The following C8orf48 variants were observed in gnomAD, a reference collection of about 807,000 sequenced individuals.
C8orf48 encodes chromosome 8 open reading frame 48, also known as uncharacterized protein C8orf48.
For missense variants in C8orf48, 580 were observed against 363.3 expected (o/e 1.60, Z -4.85); for synonymous variants, 188 against 138.2 (o/e 1.36, Z -2.53).
rs1039737134 is a variant in C8orf48, at chr8:13,567,820, G to C, written c.829G>C (p.Glu277Gln). 2 of 1,551,704 alleles carry C rather than the reference G, an allele frequency of 1.3e-6. No homozygotes were observed. The highest frequency in any genetic ancestry group is 1.4e-5 in the African/African-American group (1 of 73,046). ...EKSHIRYSGF[E>Q]RSETEQKLQR... ...AAGTCATATCAGATACTCTGGTTTT[G>C]AAAGATCAGAGACAGAGCAGAAGTT... is the stretch of plus-strand genomic sequence containing the variant. The change falls in exon 1 of 1, where the codon GAA becomes CAA. Residue 277 changes from glutamate (E) to glutamine (Q), a missense_variant. Transcript: ENST00000297324.
rs533273748 is a variant in C8orf48, at chr8:13,566,922, C to T, written c.-70C>T. ...TGAGATCCATTCCCGGAGGGGTCAGCTCCTGACGGGTTCCTGAGCCAGTCT... is the reference window on the plus strand; with the variant it reads ...TGAGATCCATTCCCGGAGGGGTCAGTTCCTGACGGGTTCCTGAGCCAGTCT... On this transcript the variant is annotated 5_prime_UTR_variant, in exon 1 of 1. Coordinates refer to ENST00000297324, the MANE Select transcript of C8orf48 (RefSeq NM_001007090.3). 3 of 1,463,490 alleles carry T rather than the reference C, an allele frequency of 2.0e-6. No individual in the cohort carries two copies. The highest frequency in any genetic ancestry group is 2.5e-5 in the East Asian group (1 of 40,172). 90.7% of individuals were successfully genotyped at this position (1,463,490 alleles called of 1,614,324 possible). A position where few individuals can be genotyped will look rare whatever the true frequency, so the allele number is the denominator to read the frequency against.
At position 13,567,213 on chromosome 8, in the gene C8orf48, G is replaced by C; in HGVS notation, c.222G>C (p.Leu74Phe). The C allele has an allele frequency of 6.4e-7, 1 of 1,551,492 alleles. No individual in the cohort carries two copies. Among genetic ancestry groups the C allele is most frequent in the Non-Finnish European group, 8.7e-7 (1 of 1,146,964 alleles). Reference protein sequence around the residue: ...LEQGDTQSELLDYKNYEKKLS... With the variant: ...LEQGDTQSELFDYKNYEKKLS... ...AAGGAGACACACAATCTGAGCTTTT[G>C]GACTATAAAAATTATGAAAAGAAGT... The change falls in exon 1 of 1, where the codon TTG (leucine) becomes TTC (phenylalanine). Residue 74 changes from leucine to phenylalanine, a missense_variant. Coordinates refer to ENST00000297324, the MANE Select transcript of C8orf48 (RefSeq NM_001007090.3).
In C8orf48 at chr8:13,567,826, T is replaced by G. The variant is rs1563446287; in HGVS notation, c.835T>G (p.Ser279Ala). ...SHIRYSGFER[S>A]ETEQKLQRDG... Reference sequence around the variant, plus strand: ...TATCAGATACTCTGGTTTTGAAAGATCAGAGACAGAGCAGAAGTTGCAGCG... The same window carrying G: ...TATCAGATACTCTGGTTTTGAAAGAGCAGAGACAGAGCAGAAGTTGCAGCG... Residue 279 changes from serine to alanine, a missense_variant, in exon 1 of 1, where the codon TCA becomes GCA. Transcript: ENST00000297324. 2 of 1,551,832 alleles carry G rather than the reference T, an allele frequency of 1.3e-6. No individual in the cohort carries two copies.
rs908268209 is a variant in C8orf48 at position 13,568,053 on chromosome 8, G to C, written c.*102G>C. On this transcript the variant is annotated 3_prime_UTR_variant, in exon 1 of 1. Coordinates refer to ENST00000297324, the MANE Select transcript of C8orf48 (RefSeq NM_001007090.3). ...TTTACTATGCTTCCTTCACAGATTT[G>C]AGGACTAAGAACTTTCACTTTTTTT... 6 of 1,268,310 alleles carry C rather than the reference G, an allele frequency of 4.7e-6. No homozygotes were observed. The African/African-American group carries it at 9.1e-5, about 19-fold the overall frequency. 78.6% of individuals were successfully genotyped at this position (1,268,310 alleles called of 1,614,324 possible).
rs1265229038 is a variant in C8orf48 at position 13,567,022 on chromosome 8, G to A, written c.31G>A (p.Asp11Asn). 1.9e-6 allele frequency: 3 copies of A among 1,551,090 alleles called. No individual in the cohort carries two copies. Among genetic ancestry groups the A allele is most frequent in the African/African-American group, 2.7e-5 (2 of 73,148 alleles). Reference sequence around the variant, plus strand: ...CATCTGCCCAGAATTGGCCCAAACGGACAAAAGTGCTCTTGCAAACCTTTC... The same window carrying A: ...CATCTGCCCAGAATTGGCCCAAACGAACAAAAGTGCTCTTGCAAACCTTTC... Reference protein sequence around the residue: MAICPELAQTDKSALANLSDE... With the variant: MAICPELAQTNKSALANLSDE... The change falls in exon 1 of 1, where the codon GAC (aspartate) becomes AAC (asparagine). Residue 11 changes from aspartate to asparagine, a missense_variant. Transcript: ENST00000297324.
rs1201805774 is a variant in C8orf48, at chr8:13,566,952, C to T, written c.-40C>T. The stretch of plus-strand genomic sequence containing the variant: ...GACGGGTTCCTGAGCCAGTCTTAAC[C>T]TGGGCAAAGGAGATGAGGAGCCGAG... On this transcript the variant is annotated 5_prime_UTR_variant, in exon 1 of 1. Transcript: ENST00000297324. 2 of 1,500,044 alleles carry T rather than the reference C, an allele frequency of 1.3e-6. No individual in the cohort carries two copies. 92.9% of individuals were successfully genotyped at this position (1,500,044 alleles called of 1,614,324 possible). A position where few individuals can be genotyped will look rare whatever the true frequency, so the allele number is the denominator to read the frequency against.
In C8orf48 at chr8:13,566,886, G is replaced by A. The variant is rs1457826371; in HGVS notation, c.-106G>A. On this transcript the variant is annotated 5_prime_UTR_variant, in exon 1 of 1. Transcript: ENST00000297324. ...TCTCCCGGAAGACGACCTCCGCAGA[G>A]CTGATGGCATTGAGATCCATTCCCG... The A allele has an allele frequency of 7.2e-6, 10 of 1,391,238 alleles. No homozygotes were observed. In the East Asian group the frequency reaches 2.3e-4, roughly 32 times the overall value. The allele number at this position is 1,391,238 out of a possible 1,614,324, so 86.2% of individuals were successfully genotyped here.
In C8orf48 at chr8:13,567,799, C is replaced by A; in HGVS notation, c.808C>A (p.His270Asn). Residue 270 changes from histidine (H) to asparagine (N), a missense_variant, in exon 1 of 1, where the codon CAT becomes AAT. His to Asn is a moderately conservative substitution (Grantham distance 68, BLOSUM62 1). Coordinates refer to ENST00000297324, the MANE Select transcript of C8orf48 (RefSeq NM_001007090.3). ...IIWKRLTEKS[H>N]IRYSGFERSE... ...CTGGAAAAGACTGACTGAGAAAAGT[C>A]ATATCAGATACTCTGGTTTTGAAAG... 6.4e-7 allele frequency: 1 copy of A among 1,551,816 alleles called. No individual in the cohort carries two copies. Among genetic ancestry groups the A allele is most frequent in the South Asian group, 1.2e-5 (1 of 84,052 alleles).
At position 13,567,291 on chromosome 8, in the gene C8orf48, G is replaced by A. The variant is rs1324485025; in HGVS notation, c.300G>A (p.Arg100=). The change falls in exon 1 of 1, where the codon CGG becomes CGA. Residue 100 remains arginine (R), a synonymous_variant. Transcript: ENST00000297324. ...AGCTCAAAGACTCTAACTTTGAACGGCACCAACCAGACACCAAACTTCCAA... is the reference window on the plus strand; with the variant it reads ...AGCTCAAAGACTCTAACTTTGAACGACACCAACCAGACACCAAACTTCCAA... ...YLKLKDSNFE[R]HQPDTKLPTE... 2 of 1,551,520 alleles carry A rather than the reference G, an allele frequency of 1.3e-6. No individual in the cohort carries two copies. The highest frequency in any genetic ancestry group is 2.7e-5 in the African/African-American group (2 of 73,032).
In C8orf48 at chr8:13,567,015, C is replaced by A. The variant is rs1804460475; in HGVS notation, c.24C>A (p.Ala8=). The change falls in exon 1 of 1, where the codon GCC becomes GCA. Residue 8 remains alanine (A), a synonymous_variant. Transcript: ENST00000297324. MAICPEL[A]QTDKSALANL... ...TGATGGCCATCTGCCCAGAATTGGC[C>A]CAAACGGACAAAAGTGCTCTTGCAA... 6.5e-7 allele frequency: 1 copy of A among 1,550,022 alleles called. No individual in the cohort carries two copies. The highest frequency in any genetic ancestry group is 1.4e-5 in the African/African-American group (1 of 72,992).
Position 13,567,313 on chromosome 8 carries a change from C to G in C8orf48, c.322C>G (p.Pro108Ala). 6.4e-7 allele frequency: 1 copy of G among 1,551,726 alleles called. No individual in the cohort carries two copies. Among genetic ancestry groups the G allele is most frequent in the Admixed American group, 2.0e-5 (1 of 51,010 alleles). Residue 108 changes from proline (P) to alanine (A), a missense_variant, in exon 1 of 1, where the codon CCA becomes GCA. By Grantham distance (27) the Pro-to-Ala change is conservative. Coordinates refer to ENST00000297324, the MANE Select transcript of C8orf48 (RefSeq NM_001007090.3). ...FERHQPDTKL[P>A]TEITRVSDEE... ...ACGGCACCAACCAGACACCAAACTT[C>G]CAACAGAAATCACTCGGGTATCAGA...
In C8orf48 at chr8:13,567,600, C is replaced by A; in HGVS notation, c.609C>A (p.Asn203Lys). The A allele has an allele frequency of 6.4e-7, 1 of 1,551,722 alleles. No individual in the cohort carries two copies. Among genetic ancestry groups the A allele is most frequent in the Middle Eastern group, 1.7e-4 (1 of 5,992 alleles). Residue 203 changes from asparagine to lysine, a missense_variant, in exon 1 of 1, where the codon AAC (asparagine) becomes AAA (lysine). Asn to Lys is a moderately conservative substitution (Grantham distance 94). Transcript: ENST00000297324. ...QHISYQCPYCNRKRAELALSA... is the reference protein window; with the variant it reads ...QHISYQCPYCKRKRAELALSA... ...TATCTTATCAGTGTCCCTATTGTAACAGGAAAAGAGCGGAGCTGGCCCTGT... is the reference window on the plus strand; with the variant it reads ...TATCTTATCAGTGTCCCTATTGTAAAAGGAAAAGAGCGGAGCTGGCCCTGT...
Position 13,567,428 on chromosome 8 carries a change from G to C in C8orf48, c.437G>C (p.Arg146Thr), listed in dbSNP as rs771614677. ...RGDSKKKTSS[R>T]HKKLHLGLDV... The stretch of plus-strand genomic sequence containing the variant: ...GATTCTAAGAAGAAGACGAGCAGCA[G>C]ACATAAAAAGCTGCATCTTGGATTG... Residue 146 changes from arginine (R) to threonine (T), a missense_variant, in exon 1 of 1, where the codon AGA becomes ACA. Coordinates refer to ENST00000297324, the MANE Select transcript of C8orf48 (RefSeq NM_001007090.3). The C allele has an allele frequency of 3.2e-6, 5 of 1,551,962 alleles. No homozygotes were observed. The South Asian group carries it at 4.8e-5, about 15-fold the overall frequency.
chr8:13,566,901 A>C lies in C8orf48; in HGVS notation c.-91A>C. 1 of 1,428,970 alleles carries C rather than the reference A, an allele frequency of 7.0e-7. No individual in the cohort carries two copies. Among genetic ancestry groups the C allele is most frequent in the Non-Finnish European group, 9.2e-7 (1 of 1,082,414 alleles). The allele number at this position is 1,428,970 out of a possible 1,614,324, so 88.5% of individuals were successfully genotyped here. ...CCTCCGCAGAGCTGATGGCATTGAG[A>C]TCCATTCCCGGAGGGGTCAGCTCCT... On this transcript the variant is annotated 5_prime_UTR_variant, in exon 1 of 1. Coordinates refer to ENST00000297324, the MANE Select transcript of C8orf48 (RefSeq NM_001007090.3).
chr8:13,567,654 A>G lies in C8orf48; in HGVS notation c.663A>G (p.Leu221=). 1 of 1,551,814 alleles carries G rather than the reference A, an allele frequency of 6.4e-7. No homozygotes were observed. The highest frequency in any genetic ancestry group is 8.7e-7 in the Non-Finnish European group (1 of 1,147,016). The change falls in exon 1 of 1, where the codon TTA becomes TTG. Residue 221 remains leucine (L), a synonymous_variant. Coordinates refer to ENST00000297324, the MANE Select transcript of C8orf48 (RefSeq NM_001007090.3). The part of the protein sequence containing the change: ...LSAFLKQKKT[L]LESFLLQERI... Reference sequence around the variant, plus strand: ...CCTTTCTGAAACAAAAGAAGACTTTACTGGAGTCATTTCTACTCCAAGAGA... The same window carrying G: ...CCTTTCTGAAACAAAAGAAGACTTTGCTGGAGTCATTTCTACTCCAAGAGA...
chr8:13,568,024 A>C lies in C8orf48; in HGVS notation c.*73A>C. ...TACAGGCACTTGGGAAACTAACTTAAGACTTTACTATGCTTCCTTCACAGA... is the reference window on the plus strand; with the variant it reads ...TACAGGCACTTGGGAAACTAACTTACGACTTTACTATGCTTCCTTCACAGA... On this transcript the variant is annotated 3_prime_UTR_variant, in exon 1 of 1. Transcript: ENST00000297324. 7.1e-7 allele frequency: 1 copy of C among 1,411,460 alleles called. No individual in the cohort carries two copies. The highest frequency in any genetic ancestry group is 2.5e-5 in the East Asian group (1 of 39,998). 87.4% of individuals were successfully genotyped at this position (1,411,460 alleles called of 1,614,324 possible).
rs918024192 is a variant in C8orf48, at chr8:13,567,135, C to G, written c.144C>G (p.Pro48=). 1.3e-6 allele frequency: 2 copies of G among 1,551,732 alleles called. No homozygotes were observed. The highest frequency in any genetic ancestry group is 2.0e-5 in the Admixed American group (1 of 51,012). The change falls in exon 1 of 1, where the codon CCC becomes CCG. Residue 48 remains proline, a synonymous_variant. Transcript: ENST00000297324. ...FSSSGGRQSS[P]LTSGSKLERE... ...CCTCTGGAGGACGGCAGTCCTCGCC[C>G]CTGACCTCTGGGAGCAAACTGGAGA...
At position 13,567,718 on chromosome 8, in the gene C8orf48, C is replaced by A. The variant is rs200666163; in HGVS notation, c.727C>A (p.Arg243Ser). ...TCTTCATACCAAAGACTTTCTCACC[C>A]GTATTGGAGAAGCACATCAAGACTT... ...EHLHTKDFLTRIGEAHQDFPR... is the reference protein window; with the variant it reads ...EHLHTKDFLTSIGEAHQDFPR... The change falls in exon 1 of 1, where the codon CGT (arginine) becomes AGT (serine). Residue 243 changes from arginine to serine, a missense_variant. Physicochemically the swap from Arg to Ser is moderately radical, Grantham distance 110 (BLOSUM62 -1). Transcript: ENST00000297324. The A allele has an allele frequency of 7.1e-6, 11 of 1,551,998 alleles. No individual in the cohort carries two copies. In the South Asian group the frequency reaches 1.2e-4, roughly 17 times the overall value.
chr8:13,567,137 T>G lies in C8orf48; in HGVS notation c.146T>G (p.Leu49Arg). 1 of 1,551,768 alleles carries G rather than the reference T, an allele frequency of 6.4e-7. No homozygotes were observed. The highest frequency in any genetic ancestry group is 8.7e-7 in the Non-Finnish European group (1 of 1,147,004). ...SSSGGRQSSP[L>R]TSGSKLEREK... ...TCTGGAGGACGGCAGTCCTCGCCCC[T>G]GACCTCTGGGAGCAAACTGGAGAGG... The change falls in exon 1 of 1, where the codon CTG (leucine) becomes CGG (arginine). Residue 49 changes from leucine to arginine, a missense_variant. Coordinates refer to ENST00000297324, the MANE Select transcript of C8orf48 (RefSeq NM_001007090.3).
Sources: gnomAD v4.1 joint callset for allele counts on GRCh38, gnomAD v4.1.1 for gene constraint, MANE v1.5 for transcripts, NCBI Gene and HGNC (gene_info 2026-07-23, HGNC 2026-07-21) for gene names.